Variants in FAM227A observed in about 807,000 individuals in gnomAD.
FAM227A encodes the protein family with sequence similarity 227 member A.
In FAM227A, 80 loss-of-function variants were observed where a neutral mutation model predicts 74.7. That is an observed-to-expected ratio of 1.07 (90% CI 0.89 to 1.29). The LOEUF (loss-of-function observed/expected upper bound fraction) is 1.29. FAM227A is among the 50% of genes most tolerant of loss of function. The pLI, the probability that FAM227A is intolerant of heterozygous loss-of-function variation, is 0.00. For synonymous variants in FAM227A, 237 were observed against 241.8 expected, an observed-to-expected ratio of 0.98 and a Z score of 0.19; for missense variants, 654 against 683.4, an observed-to-expected ratio of 0.96 and a Z score of 0.48.
rs370374420 is a variant in FAM227A, at chr22:38,628,047, T to C, written c.726+191A>G. 4.2e-4 allele frequency among the ~76,000 whole-genome samples: 64 copies of C among 152,308 alleles called. No homozygotes were observed. In the South Asian group the frequency reaches 7.5e-3, roughly 18 times the overall value. ...TTGCTTTGTTTTTCACTTAAATATA[T>C]CATTGCATCTCCCGATCAGTATAAA... On this transcript the variant is annotated intron_variant, in intron 8 of 16. Coordinates refer to ENST00000535113, the MANE Select transcript of FAM227A (RefSeq NM_001013647.2).
rs9610982 is a variant in FAM227A, at chr22:38,608,572, A to T, written c.1039-1096T>A. Among the ~76,000 whole-genome samples, 26 of 151,638 alleles carry T rather than the reference A, an allele frequency of 1.7e-4. No individual in the cohort carries two copies. The South Asian group carries it at 5.2e-3, about 30-fold the overall frequency. Reference sequence around the variant, plus strand: ...CAGCCTCCCGAGTAGCTAGGATTACAGGTGTCCGCCACCACGCCCAGCTAA... The same window carrying T: ...CAGCCTCCCGAGTAGCTAGGATTACTGGTGTCCGCCACCACGCCCAGCTAA... On this transcript the variant is annotated intron_variant, in intron 11 of 16. Transcript: ENST00000535113.
chr22:38,622,628 C>A (rs776530993), intron 10 of FAM227A, among the ~76,000 whole-genome samples: 1 of 152,072 alleles, frequency 6.6e-6, no homozygotes, highest in Non-Finnish European at 1.5e-5. Flanking sequence ...GTAATCCCAG[C>A]ACTTTGGGAG....
chr22:38,646,801 T>C (rs1001354878), intron 2 of FAM227A, among the ~76,000 whole-genome samples: 1 of 152,116 alleles, frequency 6.6e-6, no homozygotes, highest in Non-Finnish European at 1.5e-5. Context: ...CACCTTAATA[T>C]ACTTAACTGT....
At chr22:38,593,204 G>T (rs2090974521) in intron 15 of FAM227A, among the ~76,000 whole-genome samples, 1 of 152,148 alleles carries the variant, frequency 6.6e-6, no homozygotes, top group South Asian at 2.1e-4. Flanking sequence ...ATGAACTACA[G>T]AATAAATAAA....
rs1053640431 is a variant in FAM227A, at chr22:38,649,954, G to A, written c.142+73C>T. On this transcript the variant is annotated intron_variant, in intron 2 of 16. Coordinates refer to ENST00000535113, the MANE Select transcript of FAM227A (RefSeq NM_001013647.2). ...AATGTGCATTATAGACCTGAGCACT[G>A]ATTAGATCTCTGTGGCATGACTCAA... 11 of 1,378,030 alleles carry A rather than the reference G, an allele frequency of 8.0e-6. No individual in the cohort carries two copies. The African/African-American group carries it at 1.6e-4, about 20-fold the overall frequency. The allele number at this position is 1,378,030 out of a possible 1,614,324, so 85.4% of individuals were successfully genotyped here. A position where few individuals can be genotyped will look rare whatever the true frequency, so the allele number is the denominator to read the frequency against.
At chr22:38,615,781 G>C (rs1383068125) in intron 11 of FAM227A, among the ~76,000 whole-genome samples, 3 of 152,160 alleles carry the variant, frequency 2.0e-5, no homozygotes, top group Non-Finnish European at 4.4e-5. Flanking sequence ...ATCTGTAAAA[G>C]GTTACTCTGG....
At chr22:38,613,282 T>TATATAAC (rs2091482010) in intron 11 of FAM227A, among the ~76,000 whole-genome samples, 1 of 81,012 alleles carries the variant, frequency 1.2e-5, no homozygotes, top group Non-Finnish European at 2.1e-5. Context: ...TTATATATCA[T>TATATAAC]ATATAATATA....
intron 13 of FAM227A, among the ~76,000 whole-genome samples, chr22:38,604,961 TTTATTA>T (rs1293249105): frequency 6.6e-6 from 1 of 152,104 alleles, no homozygotes; most frequent in East Asian, 1.9e-4. Flanking sequence ...CCTTTATTTT[TTTATTA>T]TTGTTATTCA....
At position 38,625,368 on chromosome 22, in the gene FAM227A, G is replaced by A. The variant is rs534236742; in HGVS notation, c.850+812C>T. ...TGTGCCACTGCACTCCAGCCTGGAC[G>A]ACAGAGCGAGATCCGTCTCAAAAAA... On this transcript the variant is annotated intron_variant, in intron 9 of 16. Transcript: ENST00000535113. 2.9e-3 allele frequency among the ~76,000 whole-genome samples: 429 copies of A among 146,808 alleles called. 2 individuals carry two copies. The highest frequency in any genetic ancestry group is 0.01 in the African/African-American group (400 of 39,498).
At chr22:38,618,066 C>T (rs921455833) in intron 11 of FAM227A, among the ~76,000 whole-genome samples, 62 of 152,154 alleles carry the variant, frequency 4.1e-4, no homozygotes, top group African/African-American at 1.5e-3. Flanking sequence ...TAATAAGGAA[C>T]ATCATCCAGC....
At chr22:38,588,069 T>C (rs545314573) in intron 16 of FAM227A, among the ~76,000 whole-genome samples, 93 of 152,172 alleles carry the variant, frequency 6.1e-4, no homozygotes, top group Non-Finnish European at 1.1e-3. Flanking sequence ...AACATGATTA[T>C]GGACATTTAT....
intron 11 of FAM227A, among the ~76,000 whole-genome samples, chr22:38,611,067 G>GA (rs140650153): frequency 1.3e-4 from 19 of 149,154 alleles, no homozygotes; most frequent in African/African-American, 2.2e-4. Flanking sequence ...CTCGAAAAAA[G>GA]AAAAAAAAAA....
At chr22:38,607,989 TAG>T (rs999497971) in intron 11 of FAM227A, among the ~76,000 whole-genome samples, 4 of 151,772 alleles carry the variant, frequency 2.6e-5, no homozygotes, top group Admixed American at 2.6e-4. Flanking sequence ...TAACAGGAAA[TAG>T]ACAGTTATAC....
intron 15 of FAM227A, 31 bp downstream of exon 15, chr22:38,597,173 A>G: frequency 6.5e-7 from 1 of 1,549,986 alleles, no homozygotes; most frequent in Non-Finnish European, 8.7e-7. Flanking sequence ...TAAGTGCGGA[A>G]CAACGGCATT....
At chr22:38,591,567 G>T in intron 15 of FAM227A, 27 bp from the exon 16 acceptor site, 1 of 1,493,212 alleles carries the variant, frequency 6.7e-7, no homozygotes, top group Non-Finnish European at 9.0e-7. Flanking sequence ...GAGACATATG[G>T]AAAAAGGCTG....
chr22:38,612,133 C>T (rs1486641621), intron 11 of FAM227A, among the ~76,000 whole-genome samples: 1 of 152,174 alleles, frequency 6.6e-6, no homozygotes, highest in African/African-American at 2.4e-5. Context: ...AATACGGAAG[C>T]CTCCCAGCTG....
At chr22:38,597,173 A>C in intron 15 of FAM227A, 31 bp downstream of exon 15, 1 of 1,549,986 alleles carries the variant, frequency 6.5e-7, no homozygotes, top group Non-Finnish European at 8.7e-7. Flanking sequence ...TAAGTGCGGA[A>C]CAACGGCATT....
rs1013800434 is a variant in FAM227A, at chr22:38,632,361, C to T, written c.520-3426G>A. ...GGTGACTGGGTTAGAGGGCTCCACCCTCATGAATGGATTAATGTGGTTATC... is the reference window on the plus strand; with the variant it reads ...GGTGACTGGGTTAGAGGGCTCCACCTTCATGAATGGATTAATGTGGTTATC... On this transcript the variant is annotated intron_variant, in intron 6 of 16. Transcript: ENST00000535113. Among the ~76,000 whole-genome samples, 10 of 152,242 alleles carry T rather than the reference C, an allele frequency of 6.6e-5. 1 individual carries two copies. Among genetic ancestry groups the T allele is most frequent in the African/African-American group, 2.2e-4 (9 of 41,546 alleles).
intron 14 of FAM227A, among the ~76,000 whole-genome samples, chr22:38,597,688 C>T (rs904141954): frequency 3.3e-5 from 5 of 152,100 alleles, no homozygotes; most frequent in East Asian, 3.9e-4. Flanking sequence ...ATTATCACAG[C>T]GGTGAATAGG....
Sources: allele counts gnomAD v4.1 joint callset (sites outside exome capture counted in the v4.1 genomes callset), GRCh38; gene constraint gnomAD v4.1.1; transcripts MANE v1.5; gene names NCBI Gene and HGNC (gene_info 2026-07-23, HGNC 2026-07-21).